NBEAL1: variants seen among roughly 807,000 people sequenced by gnomAD.
NBEAL1 encodes the protein neurobeachin like 1.
NBEAL1 carries 273 observed loss-of-function variants against 351.3 expected under a neutral mutation model. That is an observed-to-expected ratio of 0.78 (90% CI 0.70 to 0.86). The LOEUF is 0.86. NBEAL1 is among the 40% of genes least tolerant of loss of function. The pLI is 0.00. For missense variants in NBEAL1, 2,961 were observed against 3,201.3 expected (o/e 0.92, Z 1.81); for synonymous variants, 1,050 against 1,086.4 (o/e 0.97, Z 0.66).
At chr2:203,110,572 G>C (rs1188848876) in intron 15 of NBEAL1, among the ~76,000 whole-genome samples, 1 of 151,346 alleles carries the variant, frequency 6.6e-6, no homozygotes, top group Non-Finnish European at 1.5e-5. Flanking sequence ...CACTTGGGAG[G>C]CTGAGTTGGG....
At chr2:203,201,986 A>G (rs938679769) in intron 50 of NBEAL1, among the ~76,000 whole-genome samples, 21 of 152,164 alleles carry the variant, frequency 1.4e-4, no homozygotes, top group Non-Finnish European at 2.1e-4. Context: ...TAAAAGTAAG[A>G]ATTTTAAGAC....
intron 38 of NBEAL1, among the ~76,000 whole-genome samples, chr2:203,168,019 A>G (rs1156434111): frequency 5.3e-5 from 8 of 152,168 alleles, no homozygotes. Flanking sequence ...CACAATAACT[A>G]ATTTTCCATT....
intron 38 of NBEAL1, among the ~76,000 whole-genome samples, chr2:203,168,605 GCA>G (rs1300320505): frequency 2.0e-5 from 3 of 151,636 alleles, no homozygotes; most frequent in Admixed American, 2.0e-4. Context: ...AATAAATAAG[GCA>G]GATTCTGGCT....
intron 2 of NBEAL1, among the ~76,000 whole-genome samples, chr2:203,026,151 T>A (rs1407788102): frequency 6.6e-6 from 1 of 152,198 alleles, no homozygotes; most frequent in African/African-American, 2.4e-5. Flanking sequence ...AGGAAAAAGA[T>A]TAGGTTTTCC....
chr2:203,109,788 A>G (rs570658201), intron 14 of NBEAL1, among the ~76,000 whole-genome samples: 41 of 152,240 alleles, frequency 2.7e-4, no homozygotes, highest in African/African-American at 9.6e-4. Flanking sequence ...CTAAAGTGCT[A>G]GGATTACAGG....
chr2:203,015,901 C>T (rs1244019186), intron 1 of NBEAL1: 1 of 152,534 alleles, frequency 6.6e-6, no homozygotes, highest in Non-Finnish European at 1.5e-5. Flanking sequence ...CTTATTCTCA[C>T]TGGACGCATT....
At chr2:203,030,973 A>G (rs2060940785) in intron 2 of NBEAL1, among the ~76,000 whole-genome samples, 1 of 152,222 alleles carries the variant, frequency 6.6e-6, no homozygotes, top group Non-Finnish European at 1.5e-5. Context: ...TGTTGTTGCT[A>G]TCTCAGAAAA....
intron 2 of NBEAL1, among the ~76,000 whole-genome samples, chr2:203,027,534 A>G (rs2060878316): frequency 1.3e-5 from 2 of 152,324 alleles, no homozygotes; most frequent in Non-Finnish European, 2.9e-5. Flanking sequence ...TTTAACTGCT[A>G]CATAATTTTT....
chr2:203,087,586 C>G (rs2061991794), intron 10 of NBEAL1, among the ~76,000 whole-genome samples: 1 of 152,198 alleles, frequency 6.6e-6, no homozygotes, highest in Non-Finnish European at 1.5e-5. Flanking sequence ...GCCTTTCTTA[C>G]AAAGACCCTT....
At chr2:203,208,124 A>T (rs948374077) in intron 51 of NBEAL1, among the ~76,000 whole-genome samples, 5 of 152,218 alleles carry the variant, frequency 3.3e-5, no homozygotes, top group Middle Eastern at 3.4e-3. Flanking sequence ...CTCTACAAAA[A>T]AATGTTAAAA....
rs1167009915 is a variant in NBEAL1, at chr2:203,107,529, A to G, written c.1368+11A>G. The stretch of plus-strand genomic sequence containing the variant: ...GAACTTATGAATATGGTGAGTTTAT[A>G]ACCTTTATTAAGAGAATTTCTGTTA... On this transcript the variant is annotated intron_variant, in intron 13 of 55. Coordinates refer to ENST00000683969, the MANE Select transcript of NBEAL1 (RefSeq NM_001378026.1). 6.5e-7 allele frequency: 1 copy of G among 1,541,406 alleles called. No homozygotes were observed. Among genetic ancestry groups the G allele is most frequent in the South Asian group, 1.2e-5 (1 of 82,828 alleles).
Position 203,197,409 on chromosome 2 carries a change from T to C in NBEAL1, c.7128+18T>C, listed in dbSNP as rs1231624433. 1.1e-5 allele frequency: 15 copies of C among 1,366,964 alleles called. No homozygotes were observed. Among genetic ancestry groups the C allele is most frequent in the Non-Finnish European group, 1.3e-5 (12 of 955,614 alleles). 84.7% of individuals were successfully genotyped at this position (1,366,964 alleles called of 1,614,324 possible). On this transcript the variant is annotated intron_variant, in intron 48 of 55. Transcript: ENST00000683969. ...AGTTACTGGTAAGTTGATTTTTACCTTTTTCACACTGCTATGCCTATATTC... is the reference window on the plus strand; with the variant it reads ...AGTTACTGGTAAGTTGATTTTTACCCTTTTCACACTGCTATGCCTATATTC...
intron 2 of NBEAL1, among the ~76,000 whole-genome samples, chr2:203,025,613 A>G (rs879833139): frequency 3.9e-5 from 6 of 152,138 alleles, no homozygotes; most frequent in East Asian, 1.9e-4. Flanking sequence ...TGTACTTCAT[A>G]TCTATCTCAA....
In NBEAL1 at chr2:203,110,136, CG is replaced by C. The variant is rs1426781719; in HGVS notation, c.1950-13del. ...ACCAACTTTAAAAGTTCTGATAATA[CG>C]TATTTTTTTTAGTTTTTTTACAGGA... On this transcript the variant is annotated splice_polypyrimidine_tract_variant and intron_variant, in intron 14 of 55. Coordinates refer to ENST00000683969, the MANE Select transcript of NBEAL1 (RefSeq NM_001378026.1). 5.8e-6 allele frequency: 9 copies of C among 1,542,028 alleles called. No homozygotes were observed. Among genetic ancestry groups the C allele is most frequent in the Non-Finnish European group, 6.1e-6 (7 of 1,143,636 alleles).
intron 50 of NBEAL1, 40 bp from the exon 51 acceptor site, chr2:203,202,647 A>ATTTTATTT (rs2065432558): frequency 8.4e-7 from 1 of 1,187,984 alleles, no homozygotes; most frequent in Non-Finnish European, 1.3e-6. Context: ...TATTTTAGCA[A>ATTTTATTT]AACGAGGCAT....
chr2:203,033,932 C>T (rs1039013490), intron 2 of NBEAL1, among the ~76,000 whole-genome samples: 18 of 152,186 alleles, frequency 1.2e-4, no homozygotes, highest in Admixed American at 6.5e-4. Flanking sequence ...CTTTTTTGAG[C>T]ATTTGGGACT....
intron 7 of NBEAL1, among the ~76,000 whole-genome samples, chr2:203,075,608 G>A (rs969627265): frequency 6.6e-6 from 1 of 152,220 alleles, no homozygotes; most frequent in Non-Finnish European, 1.5e-5. Context: ...CACTTCCTCT[G>A]TATAGCTTCC....
chr2:203,164,668 T>A (rs961855990), intron 36 of NBEAL1, among the ~76,000 whole-genome samples: 1 of 152,126 alleles, frequency 6.6e-6, no homozygotes, highest in Non-Finnish European at 1.5e-5. Context: ...TAGTTTTAAA[T>A]AAATGATTGC....
intron 2 of NBEAL1, among the ~76,000 whole-genome samples, chr2:203,025,905 C>T (rs1482652975): frequency 1.3e-5 from 2 of 151,882 alleles, no homozygotes; most frequent in African/African-American, 4.8e-5. Context: ...CCATCATTTT[C>T]CTTTTGCTGT....
Sources: allele counts gnomAD v4.1 joint callset (sites outside exome capture counted in the v4.1 genomes callset), GRCh38; gene constraint gnomAD v4.1.1; transcripts MANE v1.5; gene names NCBI Gene and HGNC (gene_info 2026-07-23, HGNC 2026-07-21).